The following TMEM255A variants were observed in gnomAD, a reference collection of about 807,000 sequenced individuals.
TMEM255A encodes the protein transmembrane protein 255A.
In TMEM255A, 14 loss-of-function variants were observed where a neutral mutation model predicts 23.5. That is an observed-to-expected ratio of 0.60 (90% CI 0.39 to 0.93). The LOEUF (loss-of-function observed/expected upper bound fraction) is 0.93. TMEM255A is among the 40% of genes least tolerant of loss of function. TMEM255A has a pLI of 0.00. For missense variants in TMEM255A, 233 were observed against 261.7 expected, an observed-to-expected ratio of 0.89 and a Z score of 0.76; for synonymous variants, 104 against 100.3, an observed-to-expected ratio of 1.04 and a Z score of -0.22.
downstream of TMEM255A, chrX:120,254,935 C>G (rs1556015111): frequency 8.3e-7 from 1 of 1,212,071 alleles, no homozygotes; most frequent in African/African-American, 1.7e-5. Flanking sequence ...GTCTGTCTGA[C>G]AAGCTTGCGG....
chrX:120,304,243 C>T (rs1556026543), intron 2 of TMEM255A, 106 bp downstream of exon 2: 1 of 886,722 alleles, frequency 1.1e-6, no homozygotes, highest in Non-Finnish European at 1.6e-6. Flanking sequence ...AGGAGGAAAT[C>T]TGAGCAAACA....
intron 2 of TMEM255A, 134 bp downstream of exon 2, chrX:120,304,215 A>T: frequency 1.4e-6 from 1 of 702,087 alleles, no homozygotes; most frequent in Non-Finnish European, 2.1e-6. Flanking sequence ...CTCTCCACAT[A>T]AATATACAGA....
the TMEM255A span, among the ~76,000 whole-genome samples, chrX:120,252,007 C>A: frequency 8.9e-6 from 1 of 112,717 alleles, no homozygotes; most frequent in Non-Finnish European, 1.9e-5. Context: ...GCAAACTGTC[C>A]AAAGGTCACC....
chrX:120,272,676 T>C (rs1556019013), intron 7 of TMEM255A, among the ~76,000 whole-genome samples: 3 of 111,247 alleles, frequency 2.7e-5, no homozygotes, highest in Non-Finnish European at 1.9e-5. Flanking sequence ...CCTGAGGCCT[T>C]CTCAGTCATG....
At chrX:120,297,739 C>T (rs1396796169) in intron 2 of TMEM255A, among the ~76,000 whole-genome samples, 1 of 110,935 alleles carries the variant, frequency 9.0e-6, no homozygotes, top group Non-Finnish European at 1.9e-5. Flanking sequence ...AGCTTGAGTT[C>T]TTTTAGCCAC....
At position 120,270,754 on chromosome X, in the gene TMEM255A, G is replaced by A. The variant is rs181846426; in HGVS notation, c.676-2367C>T. On this transcript the variant is annotated intron_variant, in intron 7 of 8. Transcript: ENST00000371369. ...TGAAGACTGCCAGCTCACAGCCCTC[G>A]GCTCCTGTCCTCACTCTCTGCAAAC... Among the ~76,000 whole-genome samples the A allele has an allele frequency of 8.4e-3, 930 of 110,182 alleles. 9 individuals carry two copies. Among genetic ancestry groups the A allele is most frequent in the African/African-American group, 0.029 (877 of 30,220 alleles).
At chrX:120,253,399 CTCTT>C in the TMEM255A span, 4 of 1,188,680 alleles carry the variant, frequency 3.4e-6, no homozygotes, top group Non-Finnish European at 4.5e-6. Context: ...ATCCCCTCCT[CTCTT>C]TCTCTTAAAG....
intron 4 of TMEM255A, among the ~76,000 whole-genome samples, chrX:120,291,048 C>T (rs782344819): frequency 2.7e-5 from 3 of 111,515 alleles, no homozygotes; most frequent in East Asian, 2.8e-4. Flanking sequence ...TTTGTTCCCC[C>T]AGCTTAGACC....
chrX:120,255,589 A>G, downstream of TMEM255A: 1 of 509,948 alleles, frequency 2.0e-6, no homozygotes, highest in South Asian at 3.9e-5. Context: ...TTTAGAAGCA[A>G]ATTTTCCTGA....
Position 120,259,332 on chromosome X carries a change from A to G in TMEM255A, c.*1538T>C, listed in dbSNP as rs1341639828. The G allele has an allele frequency of 8.9e-6, 1 of 112,859 alleles. No homozygotes were observed. The highest frequency in any genetic ancestry group is 1.9e-5 in the Non-Finnish European group (1 of 53,315). 9.3% of individuals were successfully genotyped at this position (112,859 alleles called of 1,213,427 possible). ...ATTCAAAATCTGGATAAGAACATTC[A>G]TGATGCTGAAAGTTAAACTGAATAT... On this transcript the variant is annotated 3_prime_UTR_variant, in exon 9 of 9. Coordinates refer to ENST00000371369, the MANE Select transcript of TMEM255A (RefSeq NM_001104544.3).
chrX:120,283,337 A>G, intron 6 of TMEM255A, among the ~76,000 whole-genome samples: 1 of 111,409 alleles, frequency 9.0e-6, no homozygotes, highest in Non-Finnish European at 1.9e-5. Flanking sequence ...CCTTTCAATG[A>G]AACAAGACTG....
At chrX:120,291,868 A>G (rs2057917853) in intron 3 of TMEM255A, among the ~76,000 whole-genome samples, 1 of 109,583 alleles carries the variant, frequency 9.1e-6, no homozygotes, top group African/African-American at 3.3e-5. Context: ...GAAGGCAATG[A>G]TGATTCCGGG....
chrX:120,292,211 T>A (rs1396365473), intron 3 of TMEM255A, among the ~76,000 whole-genome samples: 1 of 111,338 alleles, frequency 9.0e-6, no homozygotes, highest in East Asian at 2.8e-4. Flanking sequence ...ATTCTCTAAT[T>A]GTGTTAGATA....
intron 8 of TMEM255A, among the ~76,000 whole-genome samples, 190 bp from the exon 9 acceptor site, chrX:120,261,218 G>T (rs2057677812): frequency 8.9e-6 from 1 of 111,755 alleles, no homozygotes; most frequent in Admixed American, 9.5e-5. Flanking sequence ...CAAGCCACCT[G>T]CAGAAATAGG....
At chrX:120,288,330 A>G (rs1603402311) in intron 4 of TMEM255A, among the ~76,000 whole-genome samples, 1 of 111,911 alleles carries the variant, frequency 8.9e-6, no homozygotes, top group Admixed American at 9.4e-5. Flanking sequence ...TGCCTGCTCA[A>G]TGTTCTGAAA....
In TMEM255A at chrX:120,260,993, T is replaced by C; in HGVS notation, c.855A>G (p.Gly285=). 8.4e-7 allele frequency: 1 copy of C among 1,194,178 alleles called. No individual in the cohort carries two copies. The highest frequency in any genetic ancestry group is 1.1e-6 in the Non-Finnish European group (1 of 889,973). Residue 285 remains glycine, a synonymous_variant, in exon 9 of 9, where the codon GGA becomes GGG. Transcript: ENST00000371369. ...AGGCAGACTGGGGCTCATCAGAAAGTCCAGAGGGAGGGGAGGATGGAAAGA... is the reference window on the plus strand; with the variant it reads ...AGGCAGACTGGGGCTCATCAGAAAGCCCAGAGGGAGGGGAGGATGGAAAGA... The part of the protein sequence containing the change: ...SGVFPSSPPS[G]LSDEPQSASP...
the TMEM255A span, among the ~76,000 whole-genome samples, chrX:120,251,566 A>G: frequency 9.0e-6 from 1 of 111,238 alleles, no homozygotes; most frequent in African/African-American, 3.3e-5. Context: ...CAGGGTCCAT[A>G]TGGGGAAGAG....
At chrX:120,304,561 A>G in intron 1 of TMEM255A, 70 bp from the exon 2 acceptor site, 3 of 1,106,573 alleles carry the variant, frequency 2.7e-6, no homozygotes, top group Non-Finnish European at 3.7e-6. Flanking sequence ...AGAAAAAAAC[A>G]CTAAGAAGGT....
chrX:120,279,998 C>CTTTTTTTTTTT (rs59428362), intron 6 of TMEM255A, among the ~76,000 whole-genome samples: 19 of 38,225 alleles, frequency 5.0e-4, no homozygotes, highest in East Asian at 1.0e-3. Context: ...CCTTTTCTTT[C>CTTTTTTTTTTT]TTTTTTTTTT....
Sources: gnomAD v4.1 joint callset for allele counts (sites outside exome capture counted in the v4.1 genomes callset) on GRCh38, gnomAD v4.1.1 for gene constraint, MANE v1.5 for transcripts, NCBI Gene and HGNC (gene_info 2026-07-23, HGNC 2026-07-21) for gene names.